The following SUPT3H variants were observed in gnomAD, a reference collection of about 807,000 sequenced individuals.
SUPT3H encodes transcription initiation protein SPT3 homolog.
Under a neutral mutation model 44.3 loss-of-function variants are expected in SUPT3H, and 44 were observed. The observed-to-expected ratio is 0.99, with a 90% CI of 0.78 to 1.28. The LOEUF (loss-of-function observed/expected upper bound fraction) is 1.28. Ranked by LOEUF, SUPT3H falls within the 50% of genes most tolerant of loss-of-function variation. The pLI is 0.00. For missense variants in SUPT3H, 380 were observed against 387.1 expected, an observed-to-expected ratio of 0.98 and a Z score of 0.15; for synonymous variants, 124 against 125.6, an observed-to-expected ratio of 0.99 and a Z score of 0.09.
chr6:44,856,891 G>C (rs1773824955), intron 10 of SUPT3H, among the ~76,000 whole-genome samples: 1 of 152,170 alleles, frequency 6.6e-6, no homozygotes, highest in Non-Finnish European at 1.5e-5. Context: ...TGATTTAACA[G>C]TTTGACATGG....
intron 10 of SUPT3H, among the ~76,000 whole-genome samples, chr6:44,837,653 A>G (rs1770163083): frequency 3.3e-5 from 5 of 152,250 alleles, no homozygotes; most frequent in Admixed American, 2.6e-4. Flanking sequence ...ACTGATTATC[A>G]GTCAACAGTG....
At chr6:45,204,202 G>A (rs1016216322) in intron 2 of SUPT3H, among the ~76,000 whole-genome samples, 2 of 143,960 alleles carry the variant, frequency 1.4e-5, no homozygotes, top group Admixed American at 7.1e-5. Flanking sequence ...AGCCGAGATT[G>A]AGCCACTGCA....
chr6:45,213,023 G>A (rs774655047), intron 2 of SUPT3H, among the ~76,000 whole-genome samples: 33 of 152,164 alleles, frequency 2.2e-4, no homozygotes, highest in Middle Eastern at 3.4e-3. Context: ...AAAATATACT[G>A]GTTTAGCCAA....
intron 2 of SUPT3H, among the ~76,000 whole-genome samples, chr6:45,357,207 C>T (rs1793379291): frequency 6.6e-6 from 1 of 152,092 alleles, no homozygotes; most frequent in Admixed American, 6.5e-5. Context: ...CGGGGTTTCA[C>T]CATGTTAGCC....
chr6:44,943,342 A>G (rs1772775599), intron 9 of SUPT3H, among the ~76,000 whole-genome samples: 1 of 152,148 alleles, frequency 6.6e-6, no homozygotes, highest in Non-Finnish European at 1.5e-5. Context: ...CAGAGAGAAA[A>G]TATTAAAAGA....
At chr6:45,329,008 A>G (rs1786921328) in intron 2 of SUPT3H, among the ~76,000 whole-genome samples, 1 of 152,036 alleles carries the variant, frequency 6.6e-6, no homozygotes, top group Non-Finnish European at 1.5e-5. Flanking sequence ...ACAAAATTAA[A>G]TTATCTCACA....
intron 2 of SUPT3H, among the ~76,000 whole-genome samples, chr6:45,162,109 C>A (rs1485671449): frequency 6.6e-6 from 1 of 152,006 alleles, no homozygotes; most frequent in Non-Finnish European, 1.5e-5. Context: ...GGATATTTTT[C>A]ACATTCCCCA....
chr6:44,930,429 G>A (rs12191518), intron 10 of SUPT3H, among the ~76,000 whole-genome samples: 62,039 of 151,194 alleles, frequency 0.41, 13,090 homozygotes, highest in East Asian at 0.69. Flanking sequence ...TGGGCATGGT[G>A]GCAGGTGCCT....
chr6:45,130,804 G>A (rs1386186282), intron 2 of SUPT3H, among the ~76,000 whole-genome samples: 1 of 131,708 alleles, frequency 7.6e-6, no homozygotes, highest in Non-Finnish European at 1.6e-5. Context: ...CGCAACCTCC[G>A]CCTTCCAGGT....
intron 2 of SUPT3H, among the ~76,000 whole-genome samples, chr6:45,303,684 A>AC (rs1782519039): frequency 6.6e-6 from 1 of 150,924 alleles, no homozygotes; most frequent in Non-Finnish European, 1.5e-5. Flanking sequence ...AAAAAAAAAA[A>AC]AAAAAAAAGA....
intron 3 of SUPT3H, among the ~76,000 whole-genome samples, chr6:45,060,152 C>G (rs191953565): frequency 4.6e-5 from 7 of 152,048 alleles, no homozygotes; most frequent in Admixed American, 2.6e-4. Flanking sequence ...CAATCCTAAG[C>G]AAAAAGAACA....
At chr6:44,972,947 C>T (rs964462834) in intron 6 of SUPT3H, among the ~76,000 whole-genome samples, 3 of 152,132 alleles carry the variant, frequency 2.0e-5, no homozygotes, top group African/African-American at 4.8e-5. Flanking sequence ...GAGGGGTTGC[C>T]GTGAAGACCT....
At chr6:45,186,497 A>C (rs1360981134) in intron 2 of SUPT3H, among the ~76,000 whole-genome samples, 2 of 152,206 alleles carry the variant, frequency 1.3e-5, no homozygotes, top group South Asian at 4.1e-4. Context: ...TAATAGCCCA[A>C]ATGAACTCGC....
chr6:45,264,027 A>G (rs986057881), intron 2 of SUPT3H, among the ~76,000 whole-genome samples: 1 of 152,242 alleles, frequency 6.6e-6, no homozygotes, highest in Non-Finnish European at 1.5e-5. Context: ...AGATCCAATT[A>G]AATAAGCAAA....
At chr6:45,088,970 A>G (rs942106563) in intron 3 of SUPT3H, among the ~76,000 whole-genome samples, 2 of 152,084 alleles carry the variant, frequency 1.3e-5, no homozygotes, top group Non-Finnish European at 2.9e-5. Flanking sequence ...TGTAAATTTG[A>G]TATCTTTCTT....
intron 10 of SUPT3H, among the ~76,000 whole-genome samples, chr6:44,869,916 G>A (rs187512094): frequency 1.5e-3 from 222 of 152,336 alleles, no homozygotes; most frequent in African/African-American, 5.1e-3. Flanking sequence ...TAGTGGAGAT[G>A]AGAAACAATA....
chr6:45,046,155 A>G (rs898416267), intron 3 of SUPT3H, among the ~76,000 whole-genome samples: 4 of 152,230 alleles, frequency 2.6e-5, no homozygotes, highest in Non-Finnish European at 5.9e-5. Flanking sequence ...ATGGATACCC[A>G]GTTGCTTCAG....
At chr6:44,986,939 G>T (rs1391657001) in intron 6 of SUPT3H, among the ~76,000 whole-genome samples, 1 of 152,100 alleles carries the variant, frequency 6.6e-6, no homozygotes, top group Non-Finnish European at 1.5e-5. Flanking sequence ...GAAGTACACT[G>T]TTCCTTTTGT....
intron 2 of SUPT3H, among the ~76,000 whole-genome samples, chr6:45,292,474 A>ACATCT (rs1362670441): frequency 1.3e-5 from 2 of 152,114 alleles, no homozygotes; most frequent in Non-Finnish European, 2.9e-5. Context: ...ATGGTACCTC[A>ACATCT]CATCTCAATA....
Sources: gnomAD v4.1 joint callset for allele counts (sites outside exome capture counted in the v4.1 genomes callset) on GRCh38, gnomAD v4.1.1 for gene constraint, MANE v1.5 for transcripts, NCBI Gene and HGNC (gene_info 2026-07-23, HGNC 2026-07-21) for gene names.